Variants in EPG5 observed in about 807,000 individuals in gnomAD.
EPG5 encodes ectopic P-granules 5 autophagy tethering factor.
In EPG5, 159 loss-of-function variants were observed where a neutral mutation model predicts 302.7. That is an observed-to-expected ratio of 0.53 (90% CI 0.46 to 0.60). EPG5 has a LOEUF of 0.60. Ranked by LOEUF, EPG5 falls within the 20% of genes least tolerant of loss-of-function variation. The probability of loss-of-function intolerance (pLI) is 0.00; values close to 1 mark genes in which losing one functional copy is unlikely to be tolerated. For missense variants in EPG5, 2,896 were observed against 3,092.4 expected, an observed-to-expected ratio of 0.94 and a Z score of 1.51; for synonymous variants, 1,158 against 1,136.8, an observed-to-expected ratio of 1.02 and a Z score of -0.37.
chr18:45,910,608 G>A lies in EPG5; in HGVS notation c.4118C>T (p.Pro1373Leu). 2 of 1,614,090 alleles carry A rather than the reference G, an allele frequency of 1.2e-6. No homozygotes were observed. The highest frequency in any genetic ancestry group is 1.7e-6 in the Non-Finnish European group (2 of 1,180,010). The change falls in exon 23 of 44, where the codon CCA becomes CTA. Residue 1373 changes from proline (P) to leucine (L), a missense_variant. Physicochemically the swap from Pro to Leu is moderately conservative, Grantham distance 98. Coordinates refer to ENST00000282041, the MANE Select transcript of EPG5 (RefSeq NM_020964.3). ...HHAASKALRV[P>L]AEGSEGLPES... ...TGGCAGCCCTTCACTGCCCTCTGCT[G>A]GAACACGGAGGGCCTTGCTTGCAGC...
At chr18:45,861,671 A>G (rs939845532) in intron 39 of EPG5, among the ~76,000 whole-genome samples, 2 of 152,200 alleles carry the variant, frequency 1.3e-5, no homozygotes, top group African/African-American at 4.8e-5. Context: ...AAAATTTTAG[A>G]TATTATCTCA....
chr18:45,819,166 T>C, the EPG5 span, among the ~76,000 whole-genome samples: 1 of 152,346 alleles, frequency 6.6e-6, no homozygotes, highest in South Asian at 2.1e-4. Flanking sequence ...ATATCACCTA[T>C]GTTTTCTTCT....
chr18:45,911,978 C>T (rs2145680267), intron 22 of EPG5, among the ~76,000 whole-genome samples: 1 of 152,320 alleles, frequency 6.6e-6, no homozygotes, highest in East Asian at 1.9e-4. Flanking sequence ...GTCACACAGG[C>T]AGCCTCAGTT....
intron 25 of EPG5, among the ~76,000 whole-genome samples, chr18:45,901,765 CCACACACACACA>C (rs58432761): frequency 1.4e-5 from 2 of 146,660 alleles, no homozygotes; most frequent in Admixed American, 6.9e-5. Flanking sequence ...CAATCCTGTG[CCACACACACACA>C]CACACACACA....
intron 9 of EPG5, among the ~76,000 whole-genome samples, chr18:45,942,755 T>A (rs980480782): frequency 4.6e-5 from 7 of 152,272 alleles, no homozygotes; most frequent in Non-Finnish European, 8.8e-5. Flanking sequence ...AATGATCCAG[T>A]AAAGACAATT....
chr18:45,923,240 G>A (rs1268661355), intron 15 of EPG5, 28 bp downstream of exon 15: 3 of 1,608,590 alleles, frequency 1.9e-6, no homozygotes, highest in Non-Finnish European at 2.5e-6. Context: ...AAAGATTCAT[G>A]TTTCCAAATC....
chr18:45,932,988 T>C (rs902051682), intron 11 of EPG5, among the ~76,000 whole-genome samples: 1 of 152,178 alleles, frequency 6.6e-6, no homozygotes, highest in Admixed American at 6.5e-5. Context: ...GCCTGGCAGA[T>C]AGTAAGTCCG....
In EPG5 at chr18:45,925,866, G is replaced by C. The variant is rs1391750251; in HGVS notation, c.2590C>G (p.Leu864Val). ...ATCTCAGATGCAGAAGGTTGCCAAAGATACAAAGGCAGTTCTTTAAACAAG... is the reference window on the plus strand; with the variant it reads ...ATCTCAGATGCAGAAGGTTGCCAAACATACAAAGGCAGTTCTTTAAACAAG... ...LYLFKELPLY[L>V]WQPSASEIAV... is the part of the protein sequence containing the mutation. Residue 864 changes from leucine to valine, a missense_variant, in exon 14 of 44, where the codon CTT becomes GTT. By Grantham distance (32) the Leu-to-Val change is conservative. Coordinates refer to ENST00000282041, the MANE Select transcript of EPG5 (RefSeq NM_020964.3). 2 of 1,547,188 alleles carry C rather than the reference G, an allele frequency of 1.3e-6. No homozygotes were observed. Among genetic ancestry groups the C allele is most frequent in the Admixed American group, 2.1e-5 (1 of 47,552 alleles).
At chr18:45,900,327 G>A (rs573149137) in intron 26 of EPG5, among the ~76,000 whole-genome samples, 11 of 151,668 alleles carry the variant, frequency 7.3e-5, no homozygotes, top group African/African-American at 2.2e-4. Flanking sequence ...GCGTGAACTC[G>A]GGAGGCTGAG....
At chr18:45,872,957 C>T (rs1427360240) in intron 35 of EPG5, among the ~76,000 whole-genome samples, 4 of 152,184 alleles carry the variant, frequency 2.6e-5, no homozygotes, top group African/African-American at 7.2e-5. Context: ...CCAGCCAAGA[C>T]ACAAATTCTG....
intron 16 of EPG5, among the ~76,000 whole-genome samples, chr18:45,920,835 T>G (rs914738602): frequency 6.6e-6 from 1 of 152,222 alleles, no homozygotes; most frequent in Non-Finnish European, 1.5e-5. Flanking sequence ...ACAGATGTCT[T>G]GTCTAATTTA....
chr18:45,817,559 A>G, the EPG5 span, among the ~76,000 whole-genome samples: 1 of 152,240 alleles, frequency 6.6e-6, no homozygotes, highest in African/African-American at 2.4e-5. Flanking sequence ...CAGGGCTGCA[A>G]TCATCTGAAG....
chr18:45,838,621 C>G, the EPG5 span: 3 of 1,413,528 alleles, frequency 2.1e-6, no homozygotes, highest in Non-Finnish European at 2.8e-6. Flanking sequence ...AGTGCCCATT[C>G]CTCCCTTCTG....
intron 5 of EPG5, 61 bp downstream of exon 5, chr18:45,949,423 G>A: frequency 1.1e-6 from 1 of 912,098 alleles, no homozygotes; most frequent in Non-Finnish European, 1.7e-6. Context: ...ATTTCTTCAG[G>A]AATAATGTCT....
intron 3 of EPG5, among the ~76,000 whole-genome samples, chr18:45,951,768 T>C (rs1043746238): frequency 6.6e-6 from 1 of 152,172 alleles, no homozygotes; most frequent in Non-Finnish European, 1.5e-5. Flanking sequence ...CATAATCCAC[T>C]ATTTTTTATT....
chr18:45,954,874 C>A lies in EPG5; in HGVS notation c.528G>T (p.Gln176His). ...GGCCTTGTTTGTCTTCTTTACTATT[C>A]TGAGTTTCTCTGACTTGTATATTTT... ...AMENIQVRET[Q>H]NSKEDKQGLV... The change falls in exon 2 of 44, where the codon CAG becomes CAT. Residue 176 changes from glutamine to histidine, a missense_variant. Physicochemically the swap from Gln to His is conservative, Grantham distance 24. This residue lies in a region of EPG5 where 1,390 missense variants were observed against 1,430.0 expected (regional missense o/e 0.97). Coordinates refer to ENST00000282041, the MANE Select transcript of EPG5 (RefSeq NM_020964.3). 1.2e-6 allele frequency: 2 copies of A among 1,614,146 alleles called. No homozygotes were observed. Among genetic ancestry groups the A allele is most frequent in the Non-Finnish European group, 1.7e-6 (2 of 1,180,012 alleles).
the EPG5 span, among the ~76,000 whole-genome samples, chr18:45,805,854 T>C: frequency 2.2e-4 from 34 of 152,258 alleles, no homozygotes; most frequent in African/African-American, 7.9e-4. Context: ...AAAACAAAAA[T>C]TGATAGAGCT....
At chr18:45,941,901 C>G (rs1424516240) in intron 9 of EPG5, among the ~76,000 whole-genome samples, 1 of 152,198 alleles carries the variant, frequency 6.6e-6, no homozygotes, top group African/African-American at 2.4e-5. Flanking sequence ...TCTCCTAACT[C>G]TATACTCAAG....
At chr18:45,837,383 A>G in the EPG5 span, 1 of 1,317,612 alleles carries the variant, frequency 7.6e-7, no homozygotes, top group East Asian at 2.8e-5. Flanking sequence ...GTGGGGGACG[A>G]TCCCTGAGTC....
Sources: allele counts gnomAD v4.1 joint callset (sites outside exome capture counted in the v4.1 genomes callset), GRCh38; gene constraint gnomAD v4.1.1; regional missense constraint gnomAD v4.1.1; transcripts MANE v1.5; gene names NCBI Gene and HGNC (gene_info 2026-07-23, HGNC 2026-07-21).